Variants in SNTG1 observed in about 807,000 individuals in gnomAD.
The protein encoded by SNTG1 is syntrophin gamma 1.
A neutral mutation model predicts 74.7 loss-of-function variants in SNTG1; 39 were observed. The observed-to-expected ratio is 0.52, with a 90% confidence interval of 0.40 to 0.68. The LOEUF (loss-of-function observed/expected upper bound fraction) is 0.68. SNTG1 is among the 30% of genes least tolerant of loss of function. The probability of loss-of-function intolerance (pLI) is 0.00; values close to 1 mark genes in which losing one functional copy is unlikely to be tolerated. For missense variants in SNTG1, 685 were observed against 609.5 expected (o/e 1.12, Z -1.30); for synonymous variants, 254 against 217.1 (o/e 1.17, Z -1.49).
At chr8:49,971,753 C>T (rs1811701023) in intron 1 of SNTG1, among the ~76,000 whole-genome samples, 1 of 152,120 alleles carries the variant, frequency 6.6e-6, no homozygotes, top group East Asian at 1.9e-4. Flanking sequence ...CATGAGTGAA[C>T]TCCCATTCAC....
chr8:50,104,528 A>AT (rs1177226633), intron 1 of SNTG1, among the ~76,000 whole-genome samples: 4 of 151,898 alleles, frequency 2.6e-5, no homozygotes, highest in East Asian at 1.9e-4. Context: ...GGATTCATTA[A>AT]TTTTTTGAAG....
Position 50,313,228 on chromosome 8 carries a change from G to T in SNTG1, c.-27-80984G>T, listed in dbSNP as rs529625529. On this transcript the variant is annotated intron_variant, in intron 2 of 18. Transcript: ENST00000642720. ...AAAATAATTCAAAGAAAAACTTAGA[G>T]GAAAAGCTGCATGATATTGGCTGAA... 2.9e-4 allele frequency among the ~76,000 whole-genome samples: 43 copies of T among 149,930 alleles called. 1 individual carries two copies. The highest frequency in any genetic ancestry group is 9.9e-4 in the African/African-American group (40 of 40,264).
intron 1 of SNTG1, among the ~76,000 whole-genome samples, chr8:50,026,982 A>G (rs1032332499): frequency 6.6e-6 from 1 of 152,160 alleles, no homozygotes; most frequent in Non-Finnish European, 1.5e-5. Context: ...CCCTCTGGGC[A>G]AAGCCCATGT....
At chr8:50,071,133 C>T (rs1477407603) in intron 1 of SNTG1, among the ~76,000 whole-genome samples, 1 of 152,122 alleles carries the variant, frequency 6.6e-6, no homozygotes, top group Admixed American at 6.6e-5. Flanking sequence ...AAGTGGAGAT[C>T]CCAACTCCTA....
chr8:50,099,711 T>C (rs1005605627), intron 1 of SNTG1, among the ~76,000 whole-genome samples: 4 of 152,158 alleles, frequency 2.6e-5, no homozygotes, highest in Non-Finnish European at 4.4e-5. Flanking sequence ...TATCCTGTGG[T>C]TTTGATTGCA....
chr8:50,582,994 T>TA (rs1459652617), intron 12 of SNTG1, among the ~76,000 whole-genome samples: 2 of 152,166 alleles, frequency 1.3e-5, no homozygotes, highest in Middle Eastern at 3.4e-3. Context: ...AACTGATATT[T>TA]AAAAAAATTG....
intron 12 of SNTG1, among the ~76,000 whole-genome samples, chr8:50,584,384 A>G (rs541309316): frequency 1.3e-5 from 2 of 152,244 alleles, no homozygotes; most frequent in East Asian, 1.9e-4. Context: ...TCCCACCAAC[A>G]GCGTAAAAGT....
chr8:50,036,792 A>G (rs918630497), intron 1 of SNTG1, among the ~76,000 whole-genome samples: 1 of 152,238 alleles, frequency 6.6e-6, no homozygotes, highest in African/African-American at 2.4e-5. Context: ...GTTTAGAACT[A>G]TGATTTCATT....
intron 4 of SNTG1, among the ~76,000 whole-genome samples, chr8:50,421,039 C>T (rs941462272): frequency 0.2 from 533 of 2,658 alleles, 5 homozygotes; most frequent in Non-Finnish European, 0.38. Context: ...AAAAAAAAGG[C>T]GGTGGGCGGG....
In SNTG1 at chr8:49,932,325, C is replaced by T. The variant is rs117223671; in HGVS notation, c.-103+20094C>T. ...TCTGTTGTTTAATCCTAATGCAATT[C>T]TATTTACTTTTCTTCTAACTTTTTA... On this transcript the variant is annotated intron_variant, in intron 1 of 18. Coordinates refer to ENST00000642720, the MANE Select transcript of SNTG1 (RefSeq NM_018967.5). Among the ~76,000 whole-genome samples, 1,311 of 152,168 alleles carry T rather than the reference C, an allele frequency of 8.6e-3. 9 individuals carry two copies. The highest frequency in any genetic ancestry group is 0.014 in the Non-Finnish European group (923 of 67,984).
chr8:49,910,620 A>G (rs1185812877), upstream of SNTG1, among the ~76,000 whole-genome samples: 3 of 152,124 alleles, frequency 2.0e-5, no homozygotes, highest in African/African-American at 4.8e-5. Context: ...CCACGCACCC[A>G]TACCCTTCTT....
chr8:50,553,050 G>T lies in SNTG1; in HGVS notation c.681G>T (p.Arg227=). 6.2e-7 allele frequency: 1 copy of T among 1,613,762 alleles called. No homozygotes were observed. The highest frequency in any genetic ancestry group is 8.5e-7 in the Non-Finnish European group (1 of 1,179,752). Residue 227 remains arginine (R), a splice_region_variant and synonymous_variant, in exon 12 of 19, where the codon CGG becomes CGT. Coordinates refer to ENST00000642720, the MANE Select transcript of SNTG1 (RefSeq NM_018967.5). The stretch of plus-strand genomic sequence containing the variant: ...TCTGATTTGTTCTGAACATCTGCAG[G>T]CAGAATGCCTTTCAAGTCATTGCTG... ...SQYVPGTDLS[R]QNAFQVIAVD...
intron 17 of SNTG1, among the ~76,000 whole-genome samples, chr8:50,721,217 G>T (rs1411545647): frequency 6.6e-6 from 1 of 152,128 alleles, no homozygotes; most frequent in Non-Finnish European, 1.5e-5. Flanking sequence ...GTGTCCCTTA[G>T]TTGCAGCCAG....
intron 12 of SNTG1, among the ~76,000 whole-genome samples, chr8:50,561,754 T>C (rs558306923): frequency 1.3e-5 from 2 of 152,320 alleles, no homozygotes; most frequent in African/African-American, 2.4e-5. Flanking sequence ...ATAAAATTCA[T>C]GCTCAGCCTT....
At chr8:50,682,348 G>A (rs939555853) in intron 15 of SNTG1, among the ~76,000 whole-genome samples, 1 of 151,872 alleles carries the variant, frequency 6.6e-6, no homozygotes, top group Non-Finnish European at 1.5e-5. Context: ...TTGGTGGGAA[G>A]GGCAGTTACA....
rs893623428 is a variant in SNTG1 at position 49,913,382 on chromosome 8, C to T, written c.-103+1151C>T. Among the ~76,000 whole-genome samples the T allele has an allele frequency of 4.6e-5, 7 of 152,206 alleles. No individual in the cohort carries two copies. In the East Asian group the frequency reaches 7.7e-4, roughly 17 times the overall value. On this transcript the variant is annotated intron_variant, in intron 1 of 18. Transcript: ENST00000642720. The stretch of plus-strand genomic sequence containing the variant: ...AAAATGGCTCTAATGCATATCTATA[C>T]GTACCTTCCTTCTCAATTTTAACAC...
chr8:50,507,203 T>G (rs541258991), intron 9 of SNTG1, among the ~76,000 whole-genome samples: 1 of 152,228 alleles, frequency 6.6e-6, no homozygotes, highest in South Asian at 2.1e-4. Flanking sequence ...GTGTATAATC[T>G]TTTAAATTTG....
chr8:50,462,841 G>A (rs561698843), intron 8 of SNTG1, among the ~76,000 whole-genome samples: 4 of 75,422 alleles, frequency 5.3e-5, no homozygotes, highest in Admixed American at 4.7e-4. Flanking sequence ...TTTTTGAGAC[G>A]AAGTCTCATT....
At chr8:50,280,113 C>T (rs1372913303) in intron 2 of SNTG1, among the ~76,000 whole-genome samples, 2 of 152,116 alleles carry the variant, frequency 1.3e-5, no homozygotes, top group Admixed American at 6.6e-5. Context: ...ATATTCTGGC[C>T]TCCTACAGTC....
Sources: allele counts gnomAD v4.1 joint callset (sites outside exome capture counted in the v4.1 genomes callset), GRCh38; gene constraint gnomAD v4.1.1; transcripts MANE v1.5; gene names NCBI Gene and HGNC (gene_info 2026-07-23, HGNC 2026-07-21).